MACC1: variants seen among roughly 807,000 people sequenced by gnomAD.
MACC1 encodes the protein metastasis-associated in colon cancer protein 1.
In MACC1, 79 loss-of-function variants were observed where a neutral mutation model predicts 70.7. The ratio of observed to expected loss-of-function variants is 1.12; its 90% CI spans 0.93 to 1.35. The LOEUF (loss-of-function observed/expected upper bound fraction) is 1.35, where lower values mean the gene tolerates loss of function less well. Among genes scored for constraint, MACC1 ranks in the 40% most tolerant of loss-of-function variants. The probability of loss-of-function intolerance (pLI) is 0.00; values close to 1 mark genes in which losing one functional copy is unlikely to be tolerated. For synonymous variants in MACC1, 361 were observed against 347.2 expected (o/e 1.04, Z -0.44); for missense variants, 1,106 against 978.1 (o/e 1.13, Z -1.74).
At chr7:20,180,772 G>A (rs556944364) in intron 1 of MACC1, among the ~76,000 whole-genome samples, 10 of 152,178 alleles carry the variant, frequency 6.6e-5, no homozygotes, top group Admixed American at 3.3e-4. Flanking sequence ...ACTTGAATCC[G>A]GGAAGCAGAG....
At chr7:20,203,280 C>T (rs546016614) in intron 1 of MACC1, among the ~76,000 whole-genome samples, 6 of 152,156 alleles carry the variant, frequency 3.9e-5, no homozygotes, top group Admixed American at 6.5e-5. Context: ...GATACAAGTG[C>T]GTATCTCCTC....
intron 5 of MACC1, among the ~76,000 whole-genome samples, chr7:20,154,603 T>C (rs1296640793): frequency 6.6e-6 from 1 of 152,216 alleles, no homozygotes; most frequent in Non-Finnish European, 1.5e-5. Context: ...GATTTAGAAC[T>C]AATTCAGTGG....
Position 20,190,439 on chromosome 7 carries a change from C to T in MACC1, c.-217-19661G>A, listed in dbSNP as rs1249875580. Among the ~76,000 whole-genome samples the T allele has an allele frequency of 6.6e-5, 10 of 152,102 alleles. No homozygotes were observed. In the East Asian group the frequency reaches 1.9e-3, roughly 29 times the overall value. ...ATTAATTAATAAATTTTTATTGAAT[C>T]TTGACATTAAATGAAAAACTTTCTC... is the stretch of plus-strand genomic sequence containing the variant. On this transcript the variant is annotated intron_variant, in intron 1 of 6. Coordinates refer to ENST00000400331, the MANE Select transcript of MACC1 (RefSeq NM_182762.4).
At chr7:20,164,474 G>A (rs1239630613) in intron 2 of MACC1, 75 bp from the exon 3 acceptor site, 1 of 152,160 alleles carries the variant, frequency 6.6e-6, no homozygotes, top group African/African-American at 2.4e-5. Context: ...AAAAGGAAAA[G>A]GAGGGAAGCA....
chr7:20,167,606 T>C (rs1018413875), intron 2 of MACC1, among the ~76,000 whole-genome samples: 4 of 151,292 alleles, frequency 2.6e-5, no homozygotes, highest in Non-Finnish European at 5.9e-5. Flanking sequence ...GGATACTAGA[T>C]ACTAGCAAAC....
intron 1 of MACC1, among the ~76,000 whole-genome samples, chr7:20,213,899 CATAAA>C (rs1284966820): frequency 6.6e-6 from 1 of 152,090 alleles, no homozygotes; most frequent in Non-Finnish European, 1.5e-5. Context: ...TACCCCTGTA[CATAAA>C]ATAAAAGTTA....
chr7:20,178,299 T>G (rs3114452), intron 1 of MACC1, among the ~76,000 whole-genome samples: 1 of 42,022 alleles, frequency 2.4e-5, no homozygotes. Flanking sequence ...ACACACACAC[T>G]CCAGAGAATA....
intron 1 of MACC1, among the ~76,000 whole-genome samples, chr7:20,178,609 G>GT (rs1157375018): frequency 2.6e-5 from 4 of 151,874 alleles, no homozygotes; most frequent in Non-Finnish European, 4.4e-5. Context: ...TTTTGTTTTT[G>GT]TTTTTTTGAG....
intron 1 of MACC1, among the ~76,000 whole-genome samples, chr7:20,198,184 G>A (rs1490585753): frequency 6.6e-6 from 1 of 152,202 alleles, no homozygotes; most frequent in African/African-American, 2.4e-5. Context: ...TGATATGTGG[G>A]TATGGAGGAG....
intron 1 of MACC1, among the ~76,000 whole-genome samples, chr7:20,179,047 T>C (rs1782458352): frequency 6.6e-6 from 1 of 152,206 alleles, no homozygotes; most frequent in African/African-American, 2.4e-5. Flanking sequence ...TTATTAACTT[T>C]TATGAACTTT....
intron 1 of MACC1, among the ~76,000 whole-genome samples, chr7:20,208,842 G>A (rs759468823): frequency 5.9e-5 from 9 of 152,168 alleles, no homozygotes; most frequent in Non-Finnish European, 1.2e-4. Flanking sequence ...TCGTGGGCAG[G>A]GCCAAGGGCC....
At chr7:20,209,234 G>A (rs1782959317) in intron 1 of MACC1, among the ~76,000 whole-genome samples, 1 of 152,202 alleles carries the variant, frequency 6.6e-6, no homozygotes, top group Non-Finnish European at 1.5e-5. Flanking sequence ...TGTCCTCCAG[G>A]ACCAAGAATG....
At chr7:20,145,461 G>C (rs936493767) in intron 6 of MACC1, among the ~76,000 whole-genome samples, 1 of 151,818 alleles carries the variant, frequency 6.6e-6, no homozygotes, top group African/African-American at 2.4e-5. Context: ...AGAAAATAGA[G>C]GTATTTTTAA....
chr7:20,149,738 A>C (rs997921511), intron 6 of MACC1, among the ~76,000 whole-genome samples: 2 of 152,166 alleles, frequency 1.3e-5, no homozygotes, highest in Admixed American at 6.5e-5. Context: ...GATATTTAGA[A>C]GCACTGAAGT....
intron 1 of MACC1, among the ~76,000 whole-genome samples, chr7:20,216,082 G>GA (rs1203252358): frequency 6.6e-6 from 1 of 151,822 alleles, no homozygotes; most frequent in Non-Finnish European, 1.5e-5. Context: ...GTTCAGGGGG[G>GA]CATAAAAGAA....
At chr7:20,185,537 A>G (rs1014559466) in intron 1 of MACC1, among the ~76,000 whole-genome samples, 1 of 152,128 alleles carries the variant, frequency 6.6e-6, no homozygotes, top group Non-Finnish European at 1.5e-5. Context: ...AATATGAAAA[A>G]GAAAATTTTC....
chr7:20,191,329 C>A (rs1390514071), intron 1 of MACC1, among the ~76,000 whole-genome samples: 2 of 152,128 alleles, frequency 1.3e-5, no homozygotes. Flanking sequence ...CTCAGGAGGT[C>A]CTGGAAACAC....
In MACC1 at chr7:20,139,272, T is replaced by A. The variant is rs1459545199; in HGVS notation, c.*1674A>T. 1 of 152,248 alleles carries A rather than the reference T, an allele frequency of 6.6e-6. No homozygotes were observed. Among genetic ancestry groups the A allele is most frequent in the Non-Finnish European group, 1.5e-5 (1 of 68,138 alleles). The allele number at this position is 152,248 out of a possible 1,614,324, so 9.4% of individuals were successfully genotyped here. A position where few individuals can be genotyped will look rare whatever the true frequency, so the allele number is the denominator to read the frequency against. On this transcript the variant is annotated 3_prime_UTR_variant, in exon 7 of 7. Transcript: ENST00000400331. The stretch of plus-strand genomic sequence containing the variant: ...CTTCACCCCTGCTATCTGCACCTAT[T>A]CAGCTCCCACCCATCTAAGAGCTTC...
chr7:20,180,392 G>A (rs867938377), intron 1 of MACC1, among the ~76,000 whole-genome samples: 11 of 150,710 alleles, frequency 7.3e-5, no homozygotes, highest in Admixed American at 2.6e-4. Context: ...GCAGTGAGCC[G>A]AGATTGCGCC....
Sources: allele counts gnomAD v4.1 joint callset (sites outside exome capture counted in the v4.1 genomes callset), GRCh38; gene constraint gnomAD v4.1.1; transcripts MANE v1.5; gene names NCBI Gene and HGNC (gene_info 2026-07-23, HGNC 2026-07-21).